The following SMAP1 variants were observed in gnomAD, a reference collection of about 807,000 sequenced individuals.
The protein encoded by SMAP1 is stromal membrane-associated protein 1.
SMAP1 carries 24 observed loss-of-function variants against 58.5 expected under a neutral mutation model. The observed-to-expected ratio is 0.41, with a 90% CI of 0.30 to 0.58. The LOEUF is 0.58. Ranked by LOEUF, SMAP1 falls within the 20% of genes least tolerant of loss-of-function variation. The pLI, the probability that SMAP1 is intolerant of heterozygous loss-of-function variation, is 0.29. For synonymous variants in SMAP1, 216 were observed against 196.6 expected (o/e 1.10, Z -0.82); for missense variants, 563 against 566.3 (o/e 0.99, Z 0.06).
At chr6:70,808,676 A>G (rs1737513019) in intron 6 of SMAP1, among the ~76,000 whole-genome samples, 1 of 152,216 alleles carries the variant, frequency 6.6e-6, no homozygotes, top group Non-Finnish European at 1.5e-5. Flanking sequence ...CCTATTGAAC[A>G]TAGGGACTGA....
At chr6:70,709,635 G>A (rs1024156340) in intron 1 of SMAP1, among the ~76,000 whole-genome samples, 7 of 152,118 alleles carry the variant, frequency 4.6e-5, no homozygotes, top group African/African-American at 1.7e-4. Flanking sequence ...AATATGATTT[G>A]AAATCAAGAA....
intron 1 of SMAP1, among the ~76,000 whole-genome samples, chr6:70,676,712 C>T (rs541095388): frequency 6.6e-6 from 1 of 152,320 alleles, no homozygotes; most frequent in African/African-American, 2.4e-5. Context: ...AGCAGAACCA[C>T]CATAACTTCA....
chr6:70,787,128 G>A (rs1049232796), intron 4 of SMAP1, among the ~76,000 whole-genome samples: 1 of 152,022 alleles, frequency 6.6e-6, no homozygotes, highest in East Asian at 1.9e-4. Context: ...CAGAACAGAG[G>A]CCTCAGAAAT....
At chr6:70,739,331 T>A (rs1003414044) in intron 2 of SMAP1, among the ~76,000 whole-genome samples, 6 of 152,284 alleles carry the variant, frequency 3.9e-5, no homozygotes, top group African/African-American at 1.4e-4. Context: ...AATATATAAT[T>A]AAAATCAATT....
At chr6:70,850,655 T>C (rs1457609896) in intron 7 of SMAP1, among the ~76,000 whole-genome samples, 1 of 152,114 alleles carries the variant, frequency 6.6e-6, no homozygotes, top group Non-Finnish European at 1.5e-5. Flanking sequence ...TTTGCCCATC[T>C]CTAACTCTGT....
chr6:70,771,860 G>A (rs968661780), intron 3 of SMAP1, among the ~76,000 whole-genome samples: 2 of 152,178 alleles, frequency 1.3e-5, no homozygotes, highest in Non-Finnish European at 2.9e-5. Context: ...GCTGGGAGCT[G>A]TAGACCGGAG....
chr6:70,712,014 G>A (rs1439811293), intron 1 of SMAP1, among the ~76,000 whole-genome samples: 2 of 152,090 alleles, frequency 1.3e-5, no homozygotes, highest in East Asian at 3.8e-4. Flanking sequence ...ACCAGATCTT[G>A]GAAGAAAAGC....
At chr6:70,826,394 T>A (rs1347654600) in intron 6 of SMAP1, among the ~76,000 whole-genome samples, 1 of 137,158 alleles carries the variant, frequency 7.3e-6, no homozygotes, top group Admixed American at 7.2e-5. Flanking sequence ...TTCAAAAGGA[T>A]TTTTTTTTTT....
intron 1 of SMAP1, among the ~76,000 whole-genome samples, chr6:70,720,833 C>T (rs556876813): frequency 6.6e-6 from 1 of 152,270 alleles, no homozygotes; most frequent in East Asian, 1.9e-4. Flanking sequence ...GACCCTGGGC[C>T]CGGCCCATGA....
At chr6:70,814,845 T>C (rs555748436) in intron 6 of SMAP1, among the ~76,000 whole-genome samples, 2 of 152,192 alleles carry the variant, frequency 1.3e-5, no homozygotes, top group Non-Finnish European at 2.9e-5. Context: ...CATTTTATAG[T>C]GAACTATCAG....
chr6:70,770,510 C>T (rs1037998725), intron 3 of SMAP1, among the ~76,000 whole-genome samples: 1 of 152,200 alleles, frequency 6.6e-6, no homozygotes, highest in Non-Finnish European at 1.5e-5. Context: ...CGTCTTCCAT[C>T]ACTGACACCC....
intron 3 of SMAP1, among the ~76,000 whole-genome samples, chr6:70,764,961 C>G (rs575655240): frequency 1.3e-5 from 2 of 152,212 alleles, no homozygotes; most frequent in African/African-American, 4.8e-5. Context: ...CTACCACACC[C>G]AGCTGATTTT....
At chr6:70,683,732 A>G (rs1766821334) in intron 1 of SMAP1, among the ~76,000 whole-genome samples, 2 of 152,312 alleles carry the variant, frequency 1.3e-5, no homozygotes, top group South Asian at 4.1e-4. Flanking sequence ...CTATATCTAT[A>G]TATTTTTCAG....
At chr6:70,833,774 T>A (rs1770458048) in intron 6 of SMAP1, among the ~76,000 whole-genome samples, 1 of 152,204 alleles carries the variant, frequency 6.6e-6, no homozygotes, top group Non-Finnish European at 1.5e-5. Flanking sequence ...TATTTTCTAT[T>A]CTGTATCATT....
At chr6:70,754,846 T>A (rs1766418771) in intron 2 of SMAP1, 134 bp from the exon 3 acceptor site, 1 of 502,796 alleles carries the variant, frequency 2.0e-6, no homozygotes, top group Admixed American at 3.2e-5. Context: ...TGATTTAAAT[T>A]ATATTTCTAA....
chr6:70,672,764 G>A (rs1394432604), intron 1 of SMAP1, among the ~76,000 whole-genome samples: 1 of 152,158 alleles, frequency 6.6e-6, no homozygotes, highest in Non-Finnish European at 1.5e-5. Flanking sequence ...GGAGTGGCAT[G>A]TGGAGTGACC....
intron 1 of SMAP1, among the ~76,000 whole-genome samples, chr6:70,710,078 T>C (rs1229767637): frequency 6.6e-6 from 1 of 152,184 alleles, no homozygotes; most frequent in Non-Finnish European, 1.5e-5. Flanking sequence ...AGCCTATTGC[T>C]CCTAGGCGAC....
rs960286977 is a variant in SMAP1 at position 70,811,307 on chromosome 6, G to A, written c.576+12570G>A. 2.0e-4 allele frequency among the ~76,000 whole-genome samples: 30 copies of A among 152,104 alleles called. 1 individual carries two copies. The highest frequency in any genetic ancestry group is 6.5e-4 in the African/African-American group (27 of 41,420). On this transcript the variant is annotated intron_variant, in intron 6 of 10. Coordinates refer to ENST00000370455, the MANE Select transcript of SMAP1 (RefSeq NM_001044305.3). ...CAGGAGGCTGTTTTGTTTCTTGTAGGATGTTCAGCAGCATCTTACCAGTCC... is the reference window on the plus strand; with the variant it reads ...CAGGAGGCTGTTTTGTTTCTTGTAGAATGTTCAGCAGCATCTTACCAGTCC...
intron 6 of SMAP1, among the ~76,000 whole-genome samples, chr6:70,824,412 T>A (rs1770025202): frequency 6.6e-6 from 1 of 152,124 alleles, no homozygotes; most frequent in Non-Finnish European, 1.5e-5. Flanking sequence ...GACCTCTTGT[T>A]TAGAAAACAG....
Sources: allele counts gnomAD v4.1 joint callset (sites outside exome capture counted in the v4.1 genomes callset), GRCh38; gene constraint gnomAD v4.1.1; transcripts MANE v1.5; gene names NCBI Gene and HGNC (gene_info 2026-07-23, HGNC 2026-07-21).